TFEC: variants seen among roughly 807,000 people sequenced by gnomAD.
The protein encoded by TFEC is transcription factor EC, also known as class E basic helix-loop-helix protein 34.
In TFEC, 31 loss-of-function variants were observed where a neutral mutation model predicts 41.6. The observed-to-expected ratio is 0.74, with a 90% CI of 0.56 to 1.01. The LOEUF is 1.01. Among genes scored for constraint, TFEC ranks in the 50% least tolerant of loss-of-function variants. The pLI, the probability that TFEC is intolerant of heterozygous loss-of-function variation, is 0.00. For missense variants in TFEC, 402 were observed against 404.1 expected, an observed-to-expected ratio of 0.99 and a Z score of 0.04; for synonymous variants, 143 against 140.6, an observed-to-expected ratio of 1.02 and a Z score of -0.12.
At chr7:116,021,953 G>C (rs575218145) in intron 1 of TFEC, among the ~76,000 whole-genome samples, 1 of 152,042 alleles carries the variant, frequency 6.6e-6, no homozygotes, top group South Asian at 2.1e-4. Context: ...GACAATAAGG[G>C]CTCCCCCCAG....
chr7:116,061,768 TAAGA>T (rs1796562372), intron 3 of TFEC, among the ~76,000 whole-genome samples: 1 of 151,970 alleles, frequency 6.6e-6, no homozygotes, highest in Non-Finnish European at 1.5e-5. Flanking sequence ...AACAGCCCAA[TAAGA>T]AAGAGAAAAA....
At chr7:116,124,626 T>C (rs1268274805) in intron 1 of TFEC, among the ~76,000 whole-genome samples, 1 of 152,176 alleles carries the variant, frequency 6.6e-6, no homozygotes, top group Non-Finnish European at 1.5e-5. Context: ...CAGAATTCTA[T>C]TTCTAGTGCA....
At chr7:116,125,466 A>G (rs1262529939) in intron 1 of TFEC, among the ~76,000 whole-genome samples, 1 of 152,218 alleles carries the variant, frequency 6.6e-6, no homozygotes, top group Non-Finnish European at 1.5e-5. Context: ...ACTAAGAATC[A>G]TCGAAATTTT....
intron 3 of TFEC, among the ~76,000 whole-genome samples, chr7:116,049,981 T>A (rs1796268048): frequency 6.6e-6 from 1 of 152,142 alleles, no homozygotes; most frequent in Non-Finnish European, 1.5e-5. Context: ...TTTAAAGCAG[T>A]GTGTAGAGGG....
chr7:115,964,706 CA>C (rs1792753157), intron 3 of TFEC, among the ~76,000 whole-genome samples: 1 of 151,496 alleles, frequency 6.6e-6, no homozygotes, highest in Non-Finnish European at 1.5e-5. Flanking sequence ...TTAAGGCAAA[CA>C]TCCTAATTAA....
chr7:115,961,096 G>C (rs1792521140), intron 3 of TFEC, among the ~76,000 whole-genome samples: 1 of 151,500 alleles, frequency 6.6e-6, no homozygotes, highest in African/African-American at 2.4e-5. Context: ...AAGTCAAGCA[G>C]ACAAAAATAA....
chr7:116,033,755 T>C (rs1235949804), upstream of TFEC, among the ~76,000 whole-genome samples: 1 of 152,108 alleles, frequency 6.6e-6, no homozygotes. Flanking sequence ...AGATCATTCC[T>C]TTTAGAATAC....
chr7:115,950,319 A>T (rs1202015862), intron 6 of TFEC, among the ~76,000 whole-genome samples: 1 of 152,080 alleles, frequency 6.6e-6, no homozygotes, highest in Non-Finnish European at 1.5e-5. Flanking sequence ...AACATTCAAC[A>T]TTTTAAGTTA....
intron 1 of TFEC, among the ~76,000 whole-genome samples, chr7:115,994,013 G>A (rs978984692): frequency 6.6e-6 from 1 of 152,236 alleles, no homozygotes; most frequent in South Asian, 2.1e-4. Flanking sequence ...CAGAGATATA[G>A]ACCTATGGAA....
chr7:116,110,386 G>A (rs60188846), intron 3 of TFEC, among the ~76,000 whole-genome samples: 4,329 of 152,102 alleles, frequency 0.028, 221 homozygotes, highest in African/African-American at 0.098. Flanking sequence ...ACTTCTTTGT[G>A]AAGTATAAAG....
rs977593743 is a variant in TFEC at position 115,939,821 on chromosome 7, G to A, written c.*730C>T. The A allele has an allele frequency of 6.6e-6, 1 of 151,988 alleles. No individual in the cohort carries two copies. Among genetic ancestry groups the A allele is most frequent in the African/African-American group, 2.4e-5 (1 of 41,402 alleles). 9.4% of individuals were successfully genotyped at this position (151,988 alleles called of 1,614,324 possible). On this transcript the variant is annotated 3_prime_UTR_variant, in exon 8 of 8. Coordinates refer to ENST00000265440, the MANE Select transcript of TFEC (RefSeq NM_012252.4). ...GGATACAATTCTGGTCCATATTCCT[G>A]AGGAAAATATTCAATATGTTCCTTT...
intron 1 of TFEC, among the ~76,000 whole-genome samples, chr7:116,029,174 T>A (rs1562942223): frequency 6.6e-6 from 1 of 150,694 alleles, no homozygotes; most frequent in African/African-American, 2.4e-5. Context: ...ATTGAAAACT[T>A]AAAAAAAAAG....
At chr7:115,964,097 C>T (rs1792716124) in intron 3 of TFEC, among the ~76,000 whole-genome samples, 1 of 151,490 alleles carries the variant, frequency 6.6e-6, no homozygotes, top group African/African-American at 2.4e-5. Flanking sequence ...GTGAAATGAT[C>T]TATGCTCACG....
In TFEC at chr7:116,124,468, G is replaced by A. The variant is rs10253390; in HGVS notation, c.-68-12430C>T. 6.8e-4 allele frequency among the ~76,000 whole-genome samples: 104 copies of A among 152,122 alleles called. 1 individual carries two copies. The highest frequency in any genetic ancestry group is 6.8e-3 in the Middle Eastern group (2 of 292). ...AAGTTCTATGCAATCAAACTTTGGC[G>A]TATAATTCAACCAACTTTGAATGTG... On this transcript the variant is annotated intron_variant, in intron 1 of 8. Coordinates refer to the TFEC transcript ENST00000484212.
At chr7:115,952,250 C>T (rs1217238109) in intron 5 of TFEC, among the ~76,000 whole-genome samples, 1 of 151,766 alleles carries the variant, frequency 6.6e-6, no homozygotes, top group African/African-American at 2.4e-5. Flanking sequence ...ATCCTATTTC[C>T]CCTGTGCACA....
chr7:115,961,212 A>C (rs906962241), intron 3 of TFEC, among the ~76,000 whole-genome samples: 3 of 151,718 alleles, frequency 2.0e-5, no homozygotes, highest in Admixed American at 2.0e-4. Context: ...TCTCAAGTAC[A>C]TATGGAACAT....
intron 3 of TFEC, among the ~76,000 whole-genome samples, chr7:115,957,538 G>A (rs909421975): frequency 6.6e-5 from 10 of 151,752 alleles, no homozygotes; most frequent in Non-Finnish European, 8.8e-5. Flanking sequence ...TTCAAAGTGT[G>A]CTTATTGATT....
Position 115,947,695 on chromosome 7 carries a change from T to G in TFEC, c.515+3179A>C, listed in dbSNP as rs1487847018. Among the ~76,000 whole-genome samples the G allele has an allele frequency of 1.3e-5, 2 of 151,532 alleles. 1 individual carries two copies. Among genetic ancestry groups the G allele is most frequent in the Non-Finnish European group, 2.9e-5 (2 of 67,898 alleles). On this transcript the variant is annotated intron_variant, in intron 6 of 7. Transcript: ENST00000265440. Reference sequence around the variant, plus strand: ...GTGATGGTGAGCATTTTTTCATGTGTTTTTTGGCTGCATAAATGTCTTCTT... The same window carrying G: ...GTGATGGTGAGCATTTTTTCATGTGGTTTTTGGCTGCATAAATGTCTTCTT...
intron 3 of TFEC, among the ~76,000 whole-genome samples, chr7:115,957,080 T>A (rs886929934): frequency 6.6e-6 from 1 of 152,014 alleles, no homozygotes; most frequent in Non-Finnish European, 1.5e-5. Context: ...TACAAAGTTA[T>A]GGAAGTTTGA....
Sources: allele counts gnomAD v4.1 joint callset (sites outside exome capture counted in the v4.1 genomes callset), GRCh38; gene constraint gnomAD v4.1.1; transcripts MANE v1.5; gene names NCBI Gene and HGNC (gene_info 2026-07-23, HGNC 2026-07-21).